The following CTNNA3 variants were observed in gnomAD, a reference collection of about 807,000 sequenced individuals.
The protein encoded by CTNNA3 is catenin alpha-3.
A neutral mutation model predicts 95.7 loss-of-function variants in CTNNA3; 76 were observed. That is an observed-to-expected ratio of 0.79 (90% CI 0.66 to 0.96). CTNNA3 has a LOEUF of 0.96. Among genes scored for constraint, CTNNA3 ranks in the 40% least tolerant of loss-of-function variants. The probability of loss-of-function intolerance (pLI) is 0.00; values close to 1 mark genes in which losing one functional copy is unlikely to be tolerated. For synonymous variants in CTNNA3, 431 were observed against 374.4 expected (o/e 1.15, Z -1.74); for missense variants, 1,191 against 1,089.8 (o/e 1.09, Z -1.31).
At chr10:66,295,742 T>C (rs183923942) in intron 12 of CTNNA3, among the ~76,000 whole-genome samples, 6 of 152,244 alleles carry the variant, frequency 3.9e-5, no homozygotes, top group Admixed American at 3.9e-4. Flanking sequence ...AGATAGCAGG[T>C]CACATATCTT....
intron 7 of CTNNA3, among the ~76,000 whole-genome samples, chr10:67,106,813 T>C (rs928167984): frequency 6.6e-6 from 1 of 152,220 alleles, no homozygotes; most frequent in Admixed American, 6.5e-5. Flanking sequence ...TTCAATATAA[T>C]TAATGTGTTT....
At chr10:66,264,001 T>C (rs1373136459) in intron 13 of CTNNA3, among the ~76,000 whole-genome samples, 1 of 151,960 alleles carries the variant, frequency 6.6e-6, no homozygotes, top group East Asian at 1.9e-4. Flanking sequence ...TCAACATGAA[T>C]TCTAAATGTG....
chr10:67,063,527 G>T (rs1855886077), intron 7 of CTNNA3, among the ~76,000 whole-genome samples: 1 of 152,196 alleles, frequency 6.6e-6, no homozygotes, highest in Non-Finnish European at 1.5e-5. Context: ...GACCTACCAG[G>T]TTTAAATGGG....
At chr10:67,092,441 G>C (rs1174750005) in intron 7 of CTNNA3, among the ~76,000 whole-genome samples, 1 of 151,916 alleles carries the variant, frequency 6.6e-6, no homozygotes, top group Non-Finnish European at 1.5e-5. Context: ...CTGTTCTTCA[G>C]AGTATTTTGT....
chr10:66,229,517 T>C (rs1044390312), intron 13 of CTNNA3, among the ~76,000 whole-genome samples: 3 of 152,230 alleles, frequency 2.0e-5, no homozygotes, highest in South Asian at 4.1e-4. Context: ...CACAGGTTTT[T>C]TTTATTTCTT....
At chr10:67,489,826 T>C (rs1848585900) in intron 5 of CTNNA3, among the ~76,000 whole-genome samples, 1 of 148,314 alleles carries the variant, frequency 6.7e-6, no homozygotes, top group Admixed American at 6.7e-5. Flanking sequence ...GGTGTGTGTA[T>C]ATACATATAT....
At chr10:66,859,659 T>C (rs2132407159) in intron 7 of CTNNA3, among the ~76,000 whole-genome samples, 1 of 143,020 alleles carries the variant, frequency 7.0e-6, no homozygotes, top group Middle Eastern at 3.5e-3. Context: ...AGCCATCCCA[T>C]TACTGGGTAT....
intron 7 of CTNNA3, chr10:66,926,976 C>A: frequency 1.2e-6 from 2 of 1,614,048 alleles, no homozygotes; most frequent in Non-Finnish European, 1.7e-6. Flanking sequence ...TTATAGCCCC[C>A]ACTGTCTTAC....
intron 1 of CTNNA3, among the ~76,000 whole-genome samples, chr10:67,692,748 A>C (rs1411074302): frequency 6.7e-6 from 1 of 150,272 alleles, no homozygotes; most frequent in Non-Finnish European, 1.5e-5. Context: ...AAAAAAAAAA[A>C]AAAAAAAAAA....
chr10:67,333,966 G>T (rs1001906185), intron 5 of CTNNA3, among the ~76,000 whole-genome samples: 1 of 152,202 alleles, frequency 6.6e-6, no homozygotes, highest in Non-Finnish European at 1.5e-5. Context: ...TGAGGAAATA[G>T]CTGTACATAT....
chr10:66,517,040 G>T (rs1840885726), intron 11 of CTNNA3, among the ~76,000 whole-genome samples: 1 of 152,044 alleles, frequency 6.6e-6, no homozygotes. Flanking sequence ...GGCCAATACA[G>T]TGAAACTCCA....
intron 13 of CTNNA3, among the ~76,000 whole-genome samples, chr10:66,103,530 T>TATA (rs2081740048): frequency 6.6e-6 from 1 of 152,160 alleles, no homozygotes; most frequent in Admixed American, 6.5e-5. Flanking sequence ...TACAATGGAA[T>TATA]ATAATTTGGC....
chr10:66,228,666 T>C (rs908892032), intron 13 of CTNNA3, among the ~76,000 whole-genome samples: 8 of 152,114 alleles, frequency 5.3e-5, no homozygotes, highest in African/African-American at 1.2e-4. Flanking sequence ...TTGGTCTATA[T>C]TGCAGTTGAA....
chr10:67,342,526 C>T (rs146492518), intron 5 of CTNNA3, among the ~76,000 whole-genome samples: 43 of 152,272 alleles, frequency 2.8e-4, no homozygotes, highest in Middle Eastern at 3.4e-3. Context: ...CTCCAATGTC[C>T]TGGAGATTTT....
chr10:66,701,950 A>G (rs533140937), intron 9 of CTNNA3, among the ~76,000 whole-genome samples: 2 of 152,252 alleles, frequency 1.3e-5, no homozygotes, highest in East Asian at 3.9e-4. Context: ...TAATGAAAAA[A>G]TTGTATATTT....
At chr10:67,159,243 T>TA (rs1387882856) in intron 7 of CTNNA3, among the ~76,000 whole-genome samples, 1 of 152,196 alleles carries the variant, frequency 6.6e-6, no homozygotes, top group Non-Finnish European at 1.5e-5. Context: ...GTGAAATCCT[T>TA]AGAGTTGTGA....
chr10:66,505,096 C>T (rs779994233), intron 11 of CTNNA3, among the ~76,000 whole-genome samples: 33 of 152,132 alleles, frequency 2.2e-4, no homozygotes, highest in Non-Finnish European at 4.0e-4. Context: ...AAAAAGGACT[C>T]CCAGTTATGG....
At chr10:67,222,259 A>G (rs1172055482) in intron 5 of CTNNA3, among the ~76,000 whole-genome samples, 2 of 152,192 alleles carry the variant, frequency 1.3e-5, no homozygotes, top group African/African-American at 2.4e-5. Context: ...CCCACTGTTC[A>G]TAGTCACTAA....
chr10:67,350,666 T>C (rs1842599202), intron 5 of CTNNA3, among the ~76,000 whole-genome samples: 1 of 151,504 alleles, frequency 6.6e-6, no homozygotes, highest in African/African-American at 2.4e-5. Flanking sequence ...ACTATTTGCC[T>C]AATAGAATGA....
Sources: allele counts gnomAD v4.1 joint callset (sites outside exome capture counted in the v4.1 genomes callset), GRCh38; gene constraint gnomAD v4.1.1; transcripts MANE v1.5; gene names NCBI Gene and HGNC (gene_info 2026-07-23, HGNC 2026-07-21).